The following RPL4 variants were observed in gnomAD, a reference collection of about 807,000 sequenced individuals.
RPL4 encodes the protein large ribosomal subunit protein uL4.
Under a neutral mutation model 47.7 loss-of-function variants are expected in RPL4, and 3 were observed. The ratio of observed to expected loss-of-function variants is 0.06; its 90% CI spans 0.03 to 0.16. The LOEUF (loss-of-function observed/expected upper bound fraction) is 0.16. Ranked by LOEUF, RPL4 falls within the 10% of genes least tolerant of loss-of-function variation. RPL4 has a pLI of 1.00. For missense variants in RPL4, 413 were observed against 551.3 expected (o/e 0.75, Z 2.51); for synonymous variants, 208 against 182.1 (o/e 1.14, Z -1.15).
At chr15:66,500,911 A>G (rs1240620924) in intron 7 of RPL4, 38 bp downstream of exon 7, 1 of 1,595,682 alleles carries the variant, frequency 6.3e-7, no homozygotes, top group Non-Finnish European at 8.5e-7. Context: ...AATATCCACA[A>G]TATAAACATC....
chr15:66,500,845 C>T, intron 7 of RPL4, 104 bp downstream of exon 7: 3 of 1,375,674 alleles, frequency 2.2e-6, no homozygotes, highest in East Asian at 2.3e-5. Context: ...ACTGTTGCTG[C>T]ACATAAGGGG....
chr15:66,500,247 A>G (rs766159817), intron 8 of RPL4, 46 bp downstream of exon 8: 9 of 1,613,158 alleles, frequency 5.6e-6, no homozygotes, highest in Non-Finnish European at 7.6e-6. Flanking sequence ...GAAACAACCA[A>G]TAGTATAGGG....
chr15:66,501,519 G>A lies in RPL4; in HGVS notation c.547-15C>T, dbSNP rs2140714530. ...GAGGCATAGACCTACAAAGTGAGCA[G>A]TTTTAGTATTCTGATTAAGATAGAA... On this transcript the variant is annotated splice_polypyrimidine_tract_variant and intron_variant, in intron 5 of 9. Transcript: ENST00000307961. 1 of 1,613,652 alleles carries A rather than the reference G, an allele frequency of 6.2e-7. No homozygotes were observed. Among genetic ancestry groups the A allele is most frequent in the East Asian group, 2.2e-5 (1 of 44,880 alleles).
In RPL4 at chr15:66,499,405, G is replaced by T. The variant is rs370432311; in HGVS notation, c.*2C>A. ...CTTTATGGAATAATCAAATTTAAGAGTTTATGCAGCAGGCTTCTTCTCCTC... is the reference window on the plus strand; with the variant it reads ...CTTTATGGAATAATCAAATTTAAGATTTTATGCAGCAGGCTTCTTCTCCTC... On this transcript the variant is annotated 3_prime_UTR_variant, in exon 10 of 10. Transcript: ENST00000307961. The T allele has an allele frequency of 1.9e-6, 3 of 1,600,924 alleles. No homozygotes were observed. The African/African-American group carries it at 4.1e-5, about 22-fold the overall frequency.
chr15:66,499,669 A>C lies in RPL4; in HGVS notation c.1039-17T>G. 6.2e-7 allele frequency: 1 copy of C among 1,613,054 alleles called. No individual in the cohort carries two copies. The highest frequency in any genetic ancestry group is 8.5e-7 in the Non-Finnish European group (1 of 1,179,560). On this transcript the variant is annotated splice_polypyrimidine_tract_variant and intron_variant, in intron 9 of 9. Coordinates refer to ENST00000307961, the MANE Select transcript of RPL4 (RefSeq NM_000968.4). ...GAGCTTGTGCTGCAACAAATTAGGCAGAAAACAGTAAGAATCAAATCCCTG... is the reference window on the plus strand; with the variant it reads ...GAGCTTGTGCTGCAACAAATTAGGCCGAAAACAGTAAGAATCAAATCCCTG...
At chr15:66,504,033 G>A (rs150257861) in intron 1 of RPL4, among the ~76,000 whole-genome samples, 1 of 152,226 alleles carries the variant, frequency 6.6e-6, no homozygotes, top group African/African-American at 2.4e-5. Context: ...CTCTACTTCT[G>A]ATCTCAACTC....
At chr15:66,503,305 A>G (rs371645097) in intron 2 of RPL4, 53 bp downstream of exon 2, 2 of 1,605,820 alleles carry the variant, frequency 1.2e-6, no homozygotes, top group Non-Finnish European at 1.7e-6. Flanking sequence ...GTGGAATTTC[A>G]TCACTACTGT....
At chr15:66,504,579 C>T (rs1414153096) in intron 1 of RPL4, among the ~76,000 whole-genome samples, 2 of 152,138 alleles carry the variant, frequency 1.3e-5, no homozygotes, top group Non-Finnish European at 2.9e-5. Flanking sequence ...TACTGCTTCC[C>T]GGCGCGTCCT....
chr15:66,501,389 A>T lies in RPL4; in HGVS notation c.662T>A (p.Phe221Tyr). 6.2e-7 allele frequency: 1 copy of T among 1,614,162 alleles called. No individual in the cohort carries two copies. The highest frequency in any genetic ancestry group is 2.2e-5 in the East Asian group (1 of 44,892). The change falls in exon 6 of 10, where the codon TTC becomes TAC. Residue 221 changes from phenylalanine to tyrosine, a missense_variant. Around this residue, in one of 4 missense-constraint regions of RPL4, gnomAD observed 214 missense variants for 304.2 expected, o/e 0.70. Transcript: ENST00000307961. ...AGTTTAATTACCAGGGATGTTTCTG[A>T]AGGCCTTGATGATACCATTATCCTC... ...YNEDNGIIKA[F>Y]RNIPGITLLN... is the part of the protein sequence containing the mutation.
Position 66,504,165 on chromosome 15 carries a change from G to C in RPL4, c.3+623C>G, listed in dbSNP as rs555073779. On this transcript the variant is annotated intron_variant, in intron 1 of 9. Coordinates refer to ENST00000307961, the MANE Select transcript of RPL4 (RefSeq NM_000968.4). ...TCTCACATCCTTCAGGCCACTTTAA[G>C]CTTTCTCTGATCACTGTTTAAAGCC... Among the ~76,000 whole-genome samples the C allele has an allele frequency of 1.4e-3, 216 of 152,184 alleles. 1 individual carries two copies. Among genetic ancestry groups the C allele is most frequent in the African/African-American group, 5.0e-3 (209 of 41,496 alleles).
At chr15:66,499,856 C>A in intron 9 of RPL4, 200 bp downstream of exon 9, 1 of 909,286 alleles carries the variant, frequency 1.1e-6, no homozygotes, top group Non-Finnish European at 1.6e-6. Flanking sequence ...CACCCCGTCT[C>A]TACTGAAAAT....
chr15:66,502,903 T>C (rs1466671818), intron 3 of RPL4, 153 bp from the exon 4 acceptor site: 8 of 1,340,628 alleles, frequency 6.0e-6, no homozygotes, highest in Non-Finnish European at 5.4e-6. Flanking sequence ...AATTACGACA[T>C]CATTGCAAGC....
At position 66,501,212 on chromosome 15, in the gene RPL4, T is replaced by G. The variant is rs766202096; in HGVS notation, c.677-107A>C. ...AAGGTACCTGAGAACTTATTAATTA[T>G]GAAGTTTCAACCATCAATGGTGCAA... On this transcript the variant is annotated intron_variant, in intron 6 of 9. Transcript: ENST00000307961. 2.1e-4 allele frequency: 325 copies of G among 1,553,174 alleles called. 1 individual carries two copies. The highest frequency in any genetic ancestry group is 5.6e-5 in the Non-Finnish European group (63 of 1,125,682).
intron 4 of RPL4, chr15:66,502,223 G>C: frequency 2.3e-6 from 1 of 443,166 alleles, no homozygotes; most frequent in Non-Finnish European, 4.1e-6. Flanking sequence ...TCAGATTTAA[G>C]TAGTCAGACC....
chr15:66,501,602 C>A (rs905016971), intron 5 of RPL4, 98 bp from the exon 6 acceptor site: 5 of 1,546,458 alleles, frequency 3.2e-6, no homozygotes, highest in Middle Eastern at 3.9e-4. Context: ...AAACTGGGCA[C>A]AATAACTTGC....
chr15:66,501,270 A>ATCATT lies in RPL4; in HGVS notation c.676+100_676+104dup, dbSNP rs777100361. The stretch of plus-strand genomic sequence containing the variant: ...AGCCATAAATCAGAACTTCCACAAA[A>ATCATT]TCATTTGTTTCAGAAACACGGACCT... On this transcript the variant is annotated intron_variant, in intron 6 of 9. Transcript: ENST00000307961. 12 of 1,582,796 alleles carry ATCATT rather than the reference A, an allele frequency of 7.6e-6. No individual in the cohort carries two copies. In the African/African-American group the frequency reaches 9.4e-5, roughly 12 times the overall value.
At chr15:66,504,117 C>G (rs1392134943) in intron 1 of RPL4, among the ~76,000 whole-genome samples, 1 of 152,224 alleles carries the variant, frequency 6.6e-6, no homozygotes, top group African/African-American at 2.4e-5. Context: ...AGTGTTCACT[C>G]TAAAGCTCCT....
At position 66,500,296 on chromosome 15, in the gene RPL4, G is replaced by A. The variant is rs1481461626; in HGVS notation, c.914C>T (p.Pro305Leu). The stretch of plus-strand genomic sequence containing the variant: ...TACACTCTAAGTATCACTTTACCGT[G>A]GTGCTCGAAGGGCTCTTTGGATCTC... ...SPEIQRALRA[P>L]RKKIHRRVLK... The change falls in exon 8 of 10, where the codon CCA becomes CTA. Residue 305 changes from proline to leucine, a missense_variant. Pro to Leu is a moderately conservative substitution (Grantham distance 98, BLOSUM62 -3). Around this residue, in one of 4 missense-constraint regions of RPL4, gnomAD observed 214 missense variants for 304.2 expected, o/e 0.70. Transcript: ENST00000307961. 1 of 1,613,968 alleles carries A rather than the reference G, an allele frequency of 6.2e-7. No individual in the cohort carries two copies. The highest frequency in any genetic ancestry group is 8.5e-7 in the Non-Finnish European group (1 of 1,179,974).
chr15:66,499,459 T>C lies in RPL4; in HGVS notation c.1232A>G (p.Lys411Arg), dbSNP rs750428665. The C allele has an allele frequency of 3.5e-5, 57 of 1,611,846 alleles. No homozygotes were observed. The highest frequency in any genetic ancestry group is 4.3e-5 in the Non-Finnish European group (51 of 1,179,842). ...AGTAGGTTTCTTCTCTGCAGGCTTC[T>C]TTTCAGGGGCTGGTTTCTTGGTAGC... Reference protein sequence around the residue: ...AAATKKPAPEKKPAEKKPTTE... With the variant: ...AAATKKPAPERKPAEKKPTTE... The change falls in exon 10 of 10, where the codon AAG becomes AGG. Residue 411 changes from lysine to arginine, a missense_variant. Transcript: ENST00000307961.
Sources: gnomAD v4.1 joint callset for allele counts (sites outside exome capture counted in the v4.1 genomes callset) on GRCh38, gnomAD v4.1.1 for gene constraint, gnomAD v4.1.1 regional missense constraint, MANE v1.5 for transcripts, NCBI Gene and HGNC (gene_info 2026-07-23, HGNC 2026-07-21) for gene names.